Variants in CFAP54 observed in about 807,000 individuals in gnomAD.
CFAP54 encodes cilia and flagella associated protein 54, also known as cilia- and flagella-associated protein 54.
Under a neutral mutation model 370.4 loss-of-function variants are expected in CFAP54, and 290 were observed. The observed-to-expected ratio is 0.78, with a 90% CI of 0.71 to 0.86. CFAP54 has a LOEUF of 0.86. Ranked by LOEUF, CFAP54 falls within the 40% of genes least tolerant of loss-of-function variation. CFAP54 has a pLI of 0.00. For missense variants in CFAP54, 3,399 were observed against 3,528.7 expected, an observed-to-expected ratio of 0.96 and a Z score of 0.93; for synonymous variants, 1,206 against 1,236.5, an observed-to-expected ratio of 0.98 and a Z score of 0.52.
intron 55 of CFAP54, 28 bp downstream of exon 55, chr12:96,744,174 T>C: frequency 6.4e-7 from 1 of 1,562,692 alleles, no homozygotes; most frequent in Non-Finnish European, 8.7e-7. Context: ...TATATTGCCC[T>C]AGAATAACTG....
chr12:96,742,384 C>G, intron 51 of CFAP54, 55 bp from the exon 52 acceptor site: 1 of 1,348,590 alleles, frequency 7.4e-7, no homozygotes, highest in Non-Finnish European at 1.0e-6. Context: ...TAGTCTTAGG[C>G]TAGAACCTTG....
chr12:96,625,717 G>T lies in CFAP54; in HGVS notation c.3887-1G>T, dbSNP rs748836545. The T allele has an allele frequency of 6.5e-7, 1 of 1,528,812 alleles. No individual in the cohort carries two copies. The highest frequency in any genetic ancestry group is 1.2e-5 in the South Asian group (1 of 82,686). The allele number at this position is 1,528,812 out of a possible 1,614,324, so 94.7% of individuals were successfully genotyped here. On this transcript the variant is annotated splice_acceptor_variant, in intron 28 of 67. Coordinates refer to ENST00000524981, the MANE Select transcript of CFAP54 (RefSeq NM_001306084.2). LOFTEE classifies it high-confidence loss of function. ...ACAACTTTTGAATTTTTTAACCTTA[G>T]ATGTTACATCTGAACTCTCAGGAGG... is the stretch of plus-strand genomic sequence containing the variant.
chr12:96,717,978 C>T (rs1196141748), intron 48 of CFAP54, among the ~76,000 whole-genome samples: 3 of 152,086 alleles, frequency 2.0e-5, no homozygotes, highest in African/African-American at 7.2e-5. Flanking sequence ...TTTCTATATT[C>T]CCGTGTTTCT....
chr12:96,495,347 G>A (rs763580904), intron 1 of CFAP54, among the ~76,000 whole-genome samples: 4 of 144,568 alleles, frequency 2.8e-5, no homozygotes, highest in Non-Finnish European at 6.0e-5. Flanking sequence ...TTGTTCTGTC[G>A]CCCAGGCTGG....
At position 96,518,907 on chromosome 12, in the gene CFAP54, A is replaced by G. The variant is rs565307330; in HGVS notation, c.799-21A>G. On this transcript the variant is annotated intron_variant, in intron 5 of 67. Transcript: ENST00000524981. Reference sequence around the variant, plus strand: ...TTAACTTCAAATGAAAACAAATCCAATGGTGCCCTTTATTTTGCAGGCCTT... The same window carrying G: ...TTAACTTCAAATGAAAACAAATCCAGTGGTGCCCTTTATTTTGCAGGCCTT... The G allele has an allele frequency of 9.4e-4, 1,420 of 1,509,986 alleles. 6 individuals carry two copies. In the Middle Eastern group the frequency reaches 9.7e-3, roughly 10 times the overall value. 93.5% of individuals were successfully genotyped at this position (1,509,986 alleles called of 1,614,324 possible).
chr12:96,787,007 T>C (rs1281173822), intron 62 of CFAP54, 109 bp downstream of exon 62: 2 of 856,718 alleles, frequency 2.3e-6, no homozygotes, highest in Non-Finnish European at 3.5e-6. Flanking sequence ...TCTACTTCTC[T>C]CAGAGTTCTA....
chr12:96,812,440 C>T (rs1565987171), intron 64 of CFAP54, among the ~76,000 whole-genome samples: 1 of 152,098 alleles, frequency 6.6e-6, no homozygotes, highest in South Asian at 2.1e-4. Flanking sequence ...TTTCACTTTA[C>T]CAATTTCCCT....
intron 6 of CFAP54, among the ~76,000 whole-genome samples, chr12:96,521,101 C>T (rs1260219341): frequency 6.6e-6 from 1 of 152,090 alleles, no homozygotes; most frequent in Non-Finnish European, 1.5e-5. Flanking sequence ...CATTTGATCC[C>T]TATTGGGATT....
At chr12:96,538,682 C>G in intron 13 of CFAP54, 164 bp downstream of exon 13, 3 of 690,260 alleles carry the variant, frequency 4.3e-6, no homozygotes, top group Non-Finnish European at 7.0e-6. Context: ...CTGAGTGACC[C>G]TTTCTTTTAA....
chr12:96,648,848 A>G (rs1956827848), intron 34 of CFAP54, among the ~76,000 whole-genome samples: 1 of 151,956 alleles, frequency 6.6e-6, no homozygotes, highest in Admixed American at 6.6e-5. Flanking sequence ...TCTGCCTCCC[A>G]AAGTGTTGGA....
At chr12:96,693,265 A>G (rs1957405025) in intron 44 of CFAP54, among the ~76,000 whole-genome samples, 1 of 152,238 alleles carries the variant, frequency 6.6e-6, no homozygotes, top group Non-Finnish European at 1.5e-5. Context: ...GAAGACAAAA[A>G]GCAGCTGGCA....
chr12:96,827,033 TATATA>T (rs1959124335), intron 65 of CFAP54, among the ~76,000 whole-genome samples: 1 of 129,084 alleles, frequency 7.7e-6, no homozygotes, highest in African/African-American at 3.2e-5. Context: ...TATGTGATTA[TATATA>T]ATATGCAATT....
intron 60 of CFAP54, among the ~76,000 whole-genome samples, chr12:96,771,824 G>A (rs1958466153): frequency 6.6e-6 from 1 of 152,150 alleles, no homozygotes; most frequent in Non-Finnish European, 1.5e-5. Context: ...GATTGCAAAG[G>A]GATCCTTCTC....
intron 65 of CFAP54, among the ~76,000 whole-genome samples, chr12:96,825,824 A>G (rs1959093968): frequency 7.5e-6 from 1 of 132,904 alleles, no homozygotes; most frequent in African/African-American, 2.8e-5. Flanking sequence ...ATAAATATAT[A>G]AATTAGTATA....
Position 96,663,996 on chromosome 12 carries a change from C to T in CFAP54, c.5563+64C>T, listed in dbSNP as rs2136521966. 3.5e-6 allele frequency: 4 copies of T among 1,129,110 alleles called. No individual in the cohort carries two copies. The East Asian group carries it at 9.5e-5, about 27-fold the overall frequency. 69.9% of individuals were successfully genotyped at this position (1,129,110 alleles called of 1,614,324 possible). A position where few individuals can be genotyped will look rare whatever the true frequency, so the allele number is the denominator to read the frequency against. On this transcript the variant is annotated intron_variant, in intron 39 of 67. Coordinates refer to ENST00000524981, the MANE Select transcript of CFAP54 (RefSeq NM_001306084.2). ...AATCGAGGTTTGCCATTGTGTTCTGCATGTCAAACCTTCCATAATTAGTAT... is the reference window on the plus strand; with the variant it reads ...AATCGAGGTTTGCCATTGTGTTCTGTATGTCAAACCTTCCATAATTAGTAT...
chr12:96,852,216 A>G (rs1227800827), intron 66 of CFAP54, among the ~76,000 whole-genome samples: 1 of 152,152 alleles, frequency 6.6e-6, no homozygotes, highest in Non-Finnish European at 1.5e-5. Context: ...ATCTCATTAA[A>G]GAGCTACAAT....
intron 32 of CFAP54, among the ~76,000 whole-genome samples, chr12:96,641,543 A>G (rs1184443729): frequency 1.3e-5 from 2 of 152,242 alleles, no homozygotes; most frequent in Admixed American, 6.5e-5. Context: ...ATCTAGAACT[A>G]GAAATACCAT....
In CFAP54 at chr12:96,647,996, AG is replaced by A. The variant is rs779372674; in HGVS notation, c.4670del (p.Arg1557LysfsTer19). On this transcript the variant is annotated frameshift_variant, in exon 34 of 68. Transcript: ENST00000524981. LOFTEE classifies it high-confidence loss of function. ...TGATTTCCTTCTTACAGCCAAAAAAAGAAAGGCCAACTTACCATCAGGTAAA... is the reference window on the plus strand; with the variant it reads ...TGATTTCCTTCTTACAGCCAAAAAAAAAAGGCCAACTTACCATCAGGTAAA... ...MLDFLLTAKK[R>X]KANLPSDAEE... 26 of 1,505,668 alleles carry A rather than the reference AG, an allele frequency of 1.7e-5. No homozygotes were observed. Among genetic ancestry groups the A allele is most frequent in the South Asian group, 2.6e-5 (2 of 77,418 alleles). The allele number at this position is 1,505,668 out of a possible 1,614,324, so 93.3% of individuals were successfully genotyped here.
chr12:96,746,352 T>C (rs1372870544), intron 55 of CFAP54, among the ~76,000 whole-genome samples: 1 of 152,166 alleles, frequency 6.6e-6, no homozygotes, highest in Non-Finnish European at 1.5e-5. Flanking sequence ...TCTCTTCCTC[T>C]TCTTTCCTCC....
Sources: gnomAD v4.1 joint callset for allele counts (sites outside exome capture counted in the v4.1 genomes callset) on GRCh38, gnomAD v4.1.1 for gene constraint, MANE v1.5 for transcripts, NCBI Gene and HGNC (gene_info 2026-07-23, HGNC 2026-07-21) for gene names.